ABR: variants seen among roughly 807,000 people sequenced by gnomAD.
ABR encodes ABR activator of RhoGEF and GTPase, also known as active breakpoint cluster region-related protein.
In ABR, 35 loss-of-function variants were observed where a neutral mutation model predicts 107.2. The ratio of observed to expected loss-of-function variants is 0.33; its 90% CI spans 0.25 to 0.43. The LOEUF (loss-of-function observed/expected upper bound fraction) is 0.43. Among genes scored for constraint, ABR ranks in the 20% least tolerant of loss-of-function variants. ABR has a pLI of 1.00. For synonymous variants in ABR, 498 were observed against 462.0 expected, an observed-to-expected ratio of 1.08 and a Z score of -1.00; for missense variants, 815 against 1,115.2, an observed-to-expected ratio of 0.73 and a Z score of 3.83.
rs770930746 is a variant in ABR, at chr17:1,071,734, T to C, written c.894+880A>G. 4.6e-5 allele frequency among the ~76,000 whole-genome samples: 7 copies of C among 152,246 alleles called. No homozygotes were observed. The highest frequency in any genetic ancestry group is 7.3e-5 in the Non-Finnish European group (5 of 68,044). On this transcript the variant is annotated intron_variant, in intron 8 of 22. Coordinates refer to ENST00000302538, the MANE Select transcript of ABR (RefSeq NM_021962.5). The surrounding 1 kb of genome is among the most constrained non-coding windows in gnomAD (Gnocchi z 5.1). ...CTAGGAGACCCTGACGGCATCACAC[T>C]GGCCAGAGGCAGGTGTCTGCATTCA... is the stretch of plus-strand genomic sequence containing the variant.
chr17:1,122,574 C>T (rs944892918), intron 2 of ABR, among the ~76,000 whole-genome samples: 1 of 152,196 alleles, frequency 6.6e-6, no homozygotes, highest in Non-Finnish European at 1.5e-5. Context: ...TCCTGAGCCT[C>T]GAGTCCACTG....
At chr17:1,222,861 T>C (rs1432745950) in intron 1 of ABR, among the ~76,000 whole-genome samples, 1 of 151,906 alleles carries the variant, frequency 6.6e-6, no homozygotes, top group Admixed American at 6.6e-5. Context: ...GTGAGCTGTG[T>C]TCATGCCACT....
chr17:1,076,610 T>C (rs572968382), intron 6 of ABR, among the ~76,000 whole-genome samples: 34 of 150,508 alleles, frequency 2.3e-4, no homozygotes, highest in African/African-American at 6.9e-4. Context: ...ACATGGCAGG[T>C]TGGGTTTCAG....
intron 1 of ABR, among the ~76,000 whole-genome samples, chr17:1,126,132 G>A (rs930644643): frequency 6.6e-6 from 1 of 152,212 alleles, no homozygotes; most frequent in Admixed American, 6.5e-5. Context: ...CAGGCACGGA[G>A]CCCACCCACC....
intron 16 of ABR, among the ~76,000 whole-genome samples, chr17:1,025,367 C>G (rs2072108567): frequency 6.6e-6 from 1 of 152,194 alleles, no homozygotes; most frequent in Non-Finnish European, 1.5e-5. Flanking sequence ...ATAACAGCAC[C>G]TTGTAAGTGT....
intron 1 of ABR, among the ~76,000 whole-genome samples, chr17:1,156,639 G>A (rs999186913): frequency 2.6e-4 from 39 of 151,972 alleles, no homozygotes; most frequent in African/African-American, 8.7e-4. Context: ...AGTGGAGATC[G>A]TGCCACTGCA....
intron 2 of ABR, among the ~76,000 whole-genome samples, chr17:1,121,278 C>G (rs564788790): frequency 2.0e-5 from 3 of 152,248 alleles, no homozygotes; most frequent in African/African-American, 7.2e-5. Context: ...CCCGGCTTCA[C>G]CCGGGGCCAC....
At chr17:1,019,499 T>C (rs998331690) in intron 16 of ABR, among the ~76,000 whole-genome samples, 1 of 151,558 alleles carries the variant, frequency 6.6e-6, no homozygotes, top group Non-Finnish European at 1.5e-5. Flanking sequence ...TGGTGCCTGC[T>C]GCAGGTGTGG....
intron 3 of ABR, among the ~76,000 whole-genome samples, chr17:1,093,082 A>G (rs2037145884): frequency 1.3e-5 from 2 of 150,936 alleles, no homozygotes; most frequent in Non-Finnish European, 3.0e-5. Context: ...CGGCCTCCCA[A>G]AGTGCTGGGA....
At position 1,159,582 on chromosome 17, in the gene ABR, A is replaced by G. The variant is rs62069455; in HGVS notation, c.61+20085T>C. 4.8e-3 allele frequency among the ~76,000 whole-genome samples: 93 copies of G among 19,530 alleles called. 22 individuals carry two copies. The highest frequency in any genetic ancestry group is 0.01 in the African/African-American group (35 of 3,480). The allele number at this position is 19,530 out of a possible 152,430, so 12.8% of individuals were successfully genotyped here. ...GCGGTACTCACACACGGGAGAAGTA[A>G]GAATGCGGTACTCACACACATGAGA... On this transcript the variant is annotated intron_variant, in intron 1 of 22. Coordinates refer to ENST00000302538, the MANE Select transcript of ABR (RefSeq NM_021962.5).
intron 1 of ABR, among the ~76,000 whole-genome samples, chr17:1,138,399 G>A (rs1391166551): frequency 1.3e-5 from 2 of 152,180 alleles, no homozygotes; most frequent in Non-Finnish European, 2.9e-5. Context: ...AGTTACACAA[G>A]CAGACATATG....
At chr17:1,047,753 C>G (rs896447308) in intron 16 of ABR, among the ~76,000 whole-genome samples, 5 of 152,100 alleles carry the variant, frequency 3.3e-5, no homozygotes, top group African/African-American at 4.8e-5. Flanking sequence ...CTCCCTCCCC[C>G]ACTGCCTCCA....
chr17:1,079,485 A>G, intron 5 of ABR, 95 bp from the exon 6 acceptor site: 2 of 1,200,016 alleles, frequency 1.7e-6, no homozygotes, highest in Non-Finnish European at 2.4e-6. Context: ...TCTGAAACTC[A>G]GGGTGTACAT....
chr17:1,114,922 C>T (rs991464873), intron 2 of ABR, among the ~76,000 whole-genome samples: 3 of 152,228 alleles, frequency 2.0e-5, no homozygotes, highest in African/African-American at 7.2e-5. Context: ...GTGCCAGGCA[C>T]AGTTCTCGGC....
At chr17:1,194,191 T>TTTGA (rs1258172777) in intron 1 of ABR, among the ~76,000 whole-genome samples, 13 of 151,828 alleles carry the variant, frequency 8.6e-5, no homozygotes, top group Admixed American at 6.6e-5. Context: ...TTATTTATAT[T>TTTGA]TTGATTGATT....
intron 16 of ABR, among the ~76,000 whole-genome samples, chr17:1,026,914 G>A (rs1344075767): frequency 6.6e-6 from 1 of 151,804 alleles, no homozygotes; most frequent in Non-Finnish European, 1.5e-5. Flanking sequence ...CACACCTGCA[G>A]GCTTGGGGGC....
intron 1 of ABR, among the ~76,000 whole-genome samples, chr17:1,131,207 C>G (rs1482597355): frequency 8.6e-6 from 1 of 115,954 alleles, no homozygotes; most frequent in Non-Finnish European, 1.7e-5. Context: ...CAGTGCCTGC[C>G]ACGCACACAG....
intron 1 of ABR, among the ~76,000 whole-genome samples, chr17:1,194,490 C>T (rs1176965197): frequency 2.3e-5 from 3 of 131,854 alleles, no homozygotes; most frequent in African/African-American, 7.8e-5. Context: ...AGACACTTCG[C>T]CCAGCCTTCT....
At chr17:1,022,961 C>T (rs2071813033) in intron 16 of ABR, among the ~76,000 whole-genome samples, 1 of 152,272 alleles carries the variant, frequency 6.6e-6, no homozygotes, top group Admixed American at 6.5e-5. Context: ...ACCTGCCTTC[C>T]CCAGCGTCCA....
Sources: allele counts gnomAD v4.1 joint callset (sites outside exome capture counted in the v4.1 genomes callset), GRCh38; gene constraint gnomAD v4.1.1; non-coding constraint Gnocchi (gnomAD v3.1); transcripts MANE v1.5; gene names NCBI Gene and HGNC (gene_info 2026-07-23, HGNC 2026-07-21).